Variants in KALRN observed in about 807,000 individuals in gnomAD.
KALRN encodes kalirin.
KALRN carries 70 observed loss-of-function variants against 353.7 expected under a neutral mutation model. That is an observed-to-expected ratio of 0.20 (90% CI 0.16 to 0.24). KALRN has a LOEUF of 0.24. Ranked by LOEUF, KALRN falls within the 10% of genes least tolerant of loss-of-function variation. The probability of loss-of-function intolerance (pLI) is 1.00; values close to 1 mark genes in which losing one functional copy is unlikely to be tolerated. For missense variants in KALRN, 2,791 were observed against 3,756.7 expected (o/e 0.74, Z 6.72); for synonymous variants, 1,391 against 1,434.8 (o/e 0.97, Z 0.69).
intron 2 of KALRN, among the ~76,000 whole-genome samples, chr3:124,229,107 T>G (rs1466497116): frequency 6.6e-6 from 1 of 152,248 alleles, no homozygotes; most frequent in African/African-American, 2.4e-5. Flanking sequence ...TGTGGGCTAT[T>G]ATTCAACCTA....
intron 34 of KALRN, among the ~76,000 whole-genome samples, chr3:124,606,984 T>C (rs1404024065): frequency 6.6e-6 from 1 of 152,254 alleles, no homozygotes; most frequent in African/African-American, 2.4e-5. Flanking sequence ...GGAACATAAA[T>C]TGATTCTCTT....
intron 33 of KALRN, among the ~76,000 whole-genome samples, chr3:124,542,231 C>T (rs907727095): frequency 3.9e-5 from 6 of 152,090 alleles, no homozygotes; most frequent in Admixed American, 3.3e-4. Context: ...ATCAGGGAGG[C>T]GGCTGAAAGT....
At chr3:124,572,418 C>T (rs1028640613) in intron 34 of KALRN, among the ~76,000 whole-genome samples, 1 of 151,784 alleles carries the variant, frequency 6.6e-6, no homozygotes, top group Non-Finnish European at 1.5e-5. Context: ...TTGTAATCTA[C>T]TGTTTTTTTT....
At chr3:124,227,663 G>GTTTTTTTTTTTTTTTTTTTTTTT (rs747087120) in intron 1 of KALRN, among the ~76,000 whole-genome samples, 4 of 69,228 alleles carry the variant, frequency 5.8e-5, no homozygotes, top group Non-Finnish European at 8.7e-5. Context: ...CAACAGGGCT[G>GTTTTTTTTTTTTTTTTTTTTTTT]TTTTTTTTTT....
chr3:124,548,832 T>C (rs2070058612), intron 33 of KALRN, among the ~76,000 whole-genome samples: 1 of 152,200 alleles, frequency 6.6e-6, no homozygotes, highest in Non-Finnish European at 1.5e-5. Context: ...TTTTGTATTT[T>C]TAGCAGAGAT....
chr3:124,330,053 G>A, intron 8 of KALRN, 61 bp downstream of exon 8: 1 of 1,584,234 alleles, frequency 6.3e-7, no homozygotes, highest in Non-Finnish European at 8.6e-7. Flanking sequence ...TGGGTGATGA[G>A]GGCACTGGCC....
intron 1 of KALRN, among the ~76,000 whole-genome samples, chr3:124,148,581 A>G (rs1156370409): frequency 6.6e-6 from 1 of 152,156 alleles, no homozygotes; most frequent in Non-Finnish European, 1.5e-5. Flanking sequence ...TCTAGAGAAT[A>G]TTGTGGGTGC....
In KALRN at chr3:124,227,607, C is replaced by T. The variant is rs115369107; in HGVS notation, c.74-383C>T. 9.6e-5 allele frequency among the ~76,000 whole-genome samples: 14 copies of T among 145,208 alleles called. No homozygotes were observed. In the South Asian group the frequency reaches 1.1e-3, roughly 12 times the overall value. Reference sequence around the variant, plus strand: ...GACACTGTGCTAGGCACTAGAGGTACGAACATGATTTTTTAAAAGTCCCCC... The same window carrying T: ...GACACTGTGCTAGGCACTAGAGGTATGAACATGATTTTTTAAAAGTCCCCC... On this transcript the variant is annotated intron_variant, in intron 1 of 59. Transcript: ENST00000682506.
chr3:124,669,653 C>A (rs2086132240), intron 47 of KALRN, among the ~76,000 whole-genome samples: 1 of 152,184 alleles, frequency 6.6e-6, no homozygotes, highest in Non-Finnish European at 1.5e-5. Context: ...TTCCAAGAGA[C>A]CTTTCTCCTA....
Position 124,230,876 on chromosome 3 carries a change from A to AC in KALRN, c.148+2812_148+2813insC, listed in dbSNP as rs1247608117. Among the ~76,000 whole-genome samples the AC allele has an allele frequency of 1.3e-4, 19 of 151,560 alleles. No individual in the cohort carries two copies. The East Asian group carries it at 1.7e-3, about 14-fold the overall frequency. On this transcript the variant is annotated intron_variant, in intron 2 of 59. Transcript: ENST00000682506. ...CAAAACCAAAAAAAAAAAAAACAAA[A>AC]AAAAAACACCAAACCAACCAACTCT...
chr3:124,349,285 G>A (rs182478956), intron 10 of KALRN, among the ~76,000 whole-genome samples: 1 of 152,282 alleles, frequency 6.6e-6, no homozygotes, highest in East Asian at 1.9e-4. Context: ...TCATGGAGAT[G>A]GAAAGTAGAA....
intron 6 of KALRN, among the ~76,000 whole-genome samples, chr3:124,321,317 C>T (rs2149372310): frequency 6.6e-6 from 1 of 152,310 alleles, no homozygotes; most frequent in African/African-American, 2.4e-5. Flanking sequence ...TGACACATAA[C>T]TTAAGGTTAC....
chr3:124,505,420 A>G (rs1283657154), intron 33 of KALRN, among the ~76,000 whole-genome samples: 1 of 152,166 alleles, frequency 6.6e-6, no homozygotes, highest in Admixed American at 6.5e-5. Context: ...AGCTGAGTCT[A>G]GGAGCTCAAG....
chr3:124,198,225 T>A (rs1560207571), intron 1 of KALRN, among the ~76,000 whole-genome samples: 1 of 152,218 alleles, frequency 6.6e-6, no homozygotes, highest in Non-Finnish European at 1.5e-5. Context: ...TGGAGTGTGG[T>A]GCTGAGAAAA....
intron 7 of KALRN, among the ~76,000 whole-genome samples, chr3:124,328,208 C>T (rs538284399): frequency 5.3e-5 from 8 of 152,062 alleles, no homozygotes; most frequent in South Asian, 2.1e-4. Context: ...TTTTTGTCGC[C>T]GTTGTTAAGG....
chr3:124,438,755 C>A, intron 17 of KALRN, 133 bp from the exon 18 acceptor site: 2 of 682,314 alleles, frequency 2.9e-6, no homozygotes, highest in Non-Finnish European at 4.6e-6. Context: ...TCCTGGATTT[C>A]TCTTAGATGT....
intron 54 of KALRN, 42 bp downstream of exon 54, chr3:124,696,297 T>C (rs199754187): frequency 6.3e-7 from 1 of 1,594,028 alleles, no homozygotes; most frequent in Non-Finnish European, 8.6e-7. Context: ...AATATATATA[T>C]ATTTTTAGAC....
chr3:124,418,048 G>A (rs16835380), intron 14 of KALRN, among the ~76,000 whole-genome samples: 1,749 of 152,212 alleles, frequency 0.011, 32 homozygotes, highest in African/African-American at 0.038. Flanking sequence ...AATTAATCGA[G>A]AATGAACATC....
At chr3:124,553,765 A>G (rs1341481920) in intron 33 of KALRN, among the ~76,000 whole-genome samples, 1 of 152,254 alleles carries the variant, frequency 6.6e-6, no homozygotes, top group Non-Finnish European at 1.5e-5. Context: ...TTAAGCACAA[A>G]GGAGCCAGGA....
Sources: gnomAD v4.1 joint callset for allele counts (sites outside exome capture counted in the v4.1 genomes callset) on GRCh38, gnomAD v4.1.1 for gene constraint, MANE v1.5 for transcripts, NCBI Gene and HGNC (gene_info 2026-07-23, HGNC 2026-07-21) for gene names.